Variants in MAP2K5 observed in about 807,000 individuals in gnomAD.
MAP2K5 encodes mitogen-activated protein kinase kinase 5.
Under a neutral mutation model 83.1 loss-of-function variants are expected in MAP2K5, and 49 were observed. The observed-to-expected ratio is 0.59, with a 90% confidence interval of 0.47 to 0.75. The LOEUF is 0.75. Among genes scored for constraint, MAP2K5 ranks in the 30% least tolerant of loss-of-function variants. MAP2K5 has a pLI of 0.00. For missense variants in MAP2K5, 457 were observed against 557.5 expected (o/e 0.82, Z 1.82); for synonymous variants, 202 against 191.8 (o/e 1.05, Z -0.44).
intron 13 of MAP2K5, among the ~76,000 whole-genome samples, chr15:67,691,149 T>C (rs2088104276): frequency 6.6e-6 from 1 of 152,232 alleles, no homozygotes; most frequent in Non-Finnish European, 1.5e-5. Context: ...TTCCATTCTT[T>C]ATTCACTCAT....
chr15:67,782,559 A>G lies in MAP2K5; in HGVS notation c.1242+9807A>G, dbSNP rs1378419240. 1.3e-5 allele frequency among the ~76,000 whole-genome samples: 2 copies of G among 152,148 alleles called. No homozygotes were observed. The highest frequency in any genetic ancestry group is 4.8e-5 in the African/African-American group (2 of 41,434). On this transcript the variant is annotated intron_variant, in intron 21 of 21. Coordinates refer to ENST00000178640, the MANE Select transcript of MAP2K5 (RefSeq NM_145160.3). The surrounding 1 kb of genome is among the most constrained non-coding windows in gnomAD (Gnocchi z 4.9). ...TCTCACAGTGACCAGGCCTGAGTTT[A>G]TTCAGCATTCACAGGGAGCAGCTAA...
At chr15:67,696,203 G>A (rs901277622) in intron 15 of MAP2K5, among the ~76,000 whole-genome samples, 1 of 149,332 alleles carries the variant, frequency 6.7e-6, no homozygotes, top group Admixed American at 6.7e-5. Context: ...TTCTACATGA[G>A]CCCTATGCCA....
At chr15:67,588,951 G>C (rs2085341116) in intron 6 of MAP2K5, among the ~76,000 whole-genome samples, 1 of 152,020 alleles carries the variant, frequency 6.6e-6, no homozygotes, top group South Asian at 2.1e-4. Context: ...AAGTAGCTGG[G>C]ACTACAGGCT....
intron 8 of MAP2K5, among the ~76,000 whole-genome samples, chr15:67,630,464 A>G (rs2086446096): frequency 6.6e-6 from 1 of 151,512 alleles, no homozygotes; most frequent in Non-Finnish European, 1.5e-5. Context: ...AAAAATGGGA[A>G]AAAAAAAGCA....
At chr15:67,806,447 G>T (rs2090808862) in intron 21 of MAP2K5, among the ~76,000 whole-genome samples, 199 bp from the exon 22 acceptor site, 1 of 152,224 alleles carries the variant, frequency 6.6e-6, no homozygotes. Flanking sequence ...CACACGCTTG[G>T]TGCTGACTAC....
At chr15:67,631,457 G>A (rs2086471957) in intron 9 of MAP2K5, among the ~76,000 whole-genome samples, 1 of 152,100 alleles carries the variant, frequency 6.6e-6, no homozygotes, top group Non-Finnish European at 1.5e-5. Context: ...CTCTGCCACA[G>A]ATTTGAGAAG....
At chr15:67,701,806 T>C (rs1268957209) in intron 15 of MAP2K5, among the ~76,000 whole-genome samples, 2 of 152,214 alleles carry the variant, frequency 1.3e-5, no homozygotes, top group East Asian at 1.9e-4. Flanking sequence ...AAACTGCACA[T>C]TGAGAAATAC....
Position 67,619,764 on chromosome 15 carries a change from AAAAAAT to A in MAP2K5, c.546-11111_546-11106del, listed in dbSNP as rs2086139088. Among the ~76,000 whole-genome samples, 3 of 6,596 alleles carry A rather than the reference AAAAAAT, an allele frequency of 4.5e-4. 1 individual carries two copies. The highest frequency in any genetic ancestry group is 5.4e-3 in the Admixed American group (2 of 372). The allele number at this position is 6,596 out of a possible 152,430, so 4.3% of individuals were successfully genotyped here. ...CAACATAGTGAGAACCTTGTTCTAC[AAAAAAT>A]AAAAATAAAAATTAGCCAGCCATGG... is the stretch of plus-strand genomic sequence containing the variant. On this transcript the variant is annotated intron_variant, in intron 8 of 21. Coordinates refer to ENST00000178640, the MANE Select transcript of MAP2K5 (RefSeq NM_145160.3).
At position 67,637,163 on chromosome 15, in the gene MAP2K5, T is replaced by C. The variant is rs2086619090; in HGVS notation, c.585+6236T>C. On this transcript the variant is annotated intron_variant, in intron 9 of 21. Transcript: ENST00000178640. This position sits in a 1 kb window ranked among gnomAD's most constrained non-coding sequence, Gnocchi z 4.5. ...TCCCTACTTTTGAGGTTTTCAGACT[T>C]GGACTGGCTTCCTTGCTCCTCAGCT... 6.6e-6 allele frequency among the ~76,000 whole-genome samples: 1 copy of C among 152,164 alleles called. No homozygotes were observed. The highest frequency in any genetic ancestry group is 2.4e-5 in the African/African-American group (1 of 41,430).
intron 8 of MAP2K5, among the ~76,000 whole-genome samples, chr15:67,614,911 G>T (rs941025486): frequency 1.1e-4 from 17 of 152,160 alleles, no homozygotes; most frequent in Non-Finnish European, 2.1e-4. Context: ...TGAGCCCTAT[G>T]TACAATCAGT....
At chr15:67,627,694 G>C (rs1208487435) in intron 8 of MAP2K5, among the ~76,000 whole-genome samples, 1 of 152,272 alleles carries the variant, frequency 6.6e-6, no homozygotes, top group East Asian at 1.9e-4. Context: ...GTTCAACTCT[G>C]TAAATTTACT....
At chr15:67,575,917 T>TTTCTG (rs1555527939) in intron 3 of MAP2K5, among the ~76,000 whole-genome samples, 23 of 129,186 alleles carry the variant, frequency 1.8e-4, no homozygotes, top group East Asian at 1.6e-3. Context: ...TCTTTCTTTC[T>TTTCTG]TTTTTTTTTT....
chr15:67,648,279 C>G (rs916400797), intron 11 of MAP2K5, among the ~76,000 whole-genome samples: 1 of 152,114 alleles, frequency 6.6e-6, no homozygotes, highest in East Asian at 1.9e-4. Flanking sequence ...TCTTCTGTCT[C>G]TATGGATTTA....
chr15:67,586,036 C>T (rs1422357400), intron 5 of MAP2K5, 106 bp downstream of exon 5: 6 of 1,019,122 alleles, frequency 5.9e-6, no homozygotes, highest in Admixed American at 3.6e-5. Flanking sequence ...CTCTGACAAG[C>T]GATCCTTTTA....
In MAP2K5 at chr15:67,722,622, T is replaced by A. The variant is rs1283355710; in HGVS notation, c.1045-5294T>A. On this transcript the variant is annotated intron_variant, in intron 16 of 21. Coordinates refer to ENST00000178640, the MANE Select transcript of MAP2K5 (RefSeq NM_145160.3). The surrounding 1 kb of genome is among the most constrained non-coding windows in gnomAD (Gnocchi z 4.2). Reference sequence around the variant, plus strand: ...GGTTCTTCACCAGCATAGTTTCAGATGATTTAAACTCTTTCTCTAGGACTG... The same window carrying A: ...GGTTCTTCACCAGCATAGTTTCAGAAGATTTAAACTCTTTCTCTAGGACTG... 6.6e-6 allele frequency among the ~76,000 whole-genome samples: 1 copy of A among 152,210 alleles called. No individual in the cohort carries two copies. Among genetic ancestry groups the A allele is most frequent in the Non-Finnish European group, 1.5e-5 (1 of 68,040 alleles).
chr15:67,648,879 A>T (rs1332457882), intron 11 of MAP2K5, among the ~76,000 whole-genome samples: 1 of 152,128 alleles, frequency 6.6e-6, no homozygotes, highest in Non-Finnish European at 1.5e-5. Context: ...GCACCCGGTC[A>T]GTGTTTTCAG....
At position 67,563,290 on chromosome 15, in the gene MAP2K5, T is replaced by C. The variant is rs1345407607; in HGVS notation, c.192T>C (p.Asp64=). The C allele has an allele frequency of 1.2e-6, 2 of 1,610,936 alleles. No homozygotes were observed. Among genetic ancestry groups the C allele is most frequent in the Non-Finnish European group, 1.7e-6 (2 of 1,178,806 alleles). The part of the protein sequence containing the change: ...EATTTAFEYE[D]EDGDRITVRS... ...TTATGTGCTTTTAAACAGATGAAGA[T>C]GAAGATGGTGATCGAATTACAGTGA... The change falls in exon 3 of 22, where the codon GAT becomes GAC. Residue 64 remains aspartate, a synonymous_variant. Coordinates refer to ENST00000178640, the MANE Select transcript of MAP2K5 (RefSeq NM_145160.3). This position sits in a 1 kb window ranked among gnomAD's most constrained non-coding sequence, Gnocchi z 4.5.
intron 3 of MAP2K5, among the ~76,000 whole-genome samples, chr15:67,574,333 A>G (rs2085009292): frequency 6.6e-6 from 1 of 152,194 alleles, no homozygotes; most frequent in Non-Finnish European, 1.5e-5. Context: ...GCACTTTGGG[A>G]GGCCAAGGTG....
rs1051469796 is a variant in MAP2K5, at chr15:67,719,693, G to T, written c.1045-8223G>T. 2.0e-5 allele frequency among the ~76,000 whole-genome samples: 3 copies of T among 152,172 alleles called. No individual in the cohort carries two copies. Among genetic ancestry groups the T allele is most frequent in the Non-Finnish European group, 4.4e-5 (3 of 68,034 alleles). On this transcript the variant is annotated intron_variant, in intron 16 of 21. Transcript: ENST00000178640. The surrounding 1 kb of genome is among the most constrained non-coding windows in gnomAD (Gnocchi z 4.6). ...GGAGGAACAATTTGAATCAAGTCCT[G>T]AAAGAATAGGTAGGCTGGAAATCTA...
Sources: allele counts gnomAD v4.1 joint callset (sites outside exome capture counted in the v4.1 genomes callset), GRCh38; gene constraint gnomAD v4.1.1; non-coding constraint Gnocchi (gnomAD v3.1); transcripts MANE v1.5; gene names NCBI Gene and HGNC (gene_info 2026-07-23, HGNC 2026-07-21).